PBX1: variants seen among roughly 807,000 people sequenced by gnomAD.
The protein encoded by PBX1 is PBX homeobox 1.
In PBX1, 6 loss-of-function variants were observed where a neutral mutation model predicts 53.4. That is an observed-to-expected ratio of 0.11 (90% CI 0.06 to 0.22). PBX1 has a LOEUF of 0.22. Among genes scored for constraint, PBX1 ranks in the 10% least tolerant of loss-of-function variants. The pLI, the probability that PBX1 is intolerant of heterozygous loss-of-function variation, is 1.00. For synonymous variants in PBX1, 204 were observed against 212.3 expected (o/e 0.96, Z 0.34); for missense variants, 251 against 551.4 (o/e 0.46, Z 5.46).
chr1:164,872,192 C>T (rs967266159), intron 2 of PBX1, among the ~76,000 whole-genome samples: 1 of 152,214 alleles, frequency 6.6e-6, no homozygotes, highest in African/African-American at 2.4e-5. Flanking sequence ...ATAGTAAGCA[C>T]TCTACAAAAT....
intron 2 of PBX1, among the ~76,000 whole-genome samples, chr1:164,735,600 A>C (rs541740444): frequency 2.0e-4 from 31 of 152,314 alleles, no homozygotes; most frequent in Admixed American, 1.0e-3. Flanking sequence ...TTTCAGAACG[A>C]ATGGCTTTAA....
intron 2 of PBX1, among the ~76,000 whole-genome samples, chr1:164,644,007 A>G (rs1456029753): frequency 6.6e-6 from 1 of 152,126 alleles, no homozygotes; most frequent in Non-Finnish European, 1.5e-5. Context: ...TCCCTTCACA[A>G]TTCTTTCTTT....
Position 164,559,419 on chromosome 1 carries a change from C to T in PBX1, c.-404C>T, listed in dbSNP as rs1013273240. 4.6e-5 allele frequency: 11 copies of T among 240,148 alleles called. No individual in the cohort carries two copies. Among genetic ancestry groups the T allele is most frequent in the Non-Finnish European group, 8.9e-5 (11 of 123,236 alleles). 14.9% of individuals were successfully genotyped at this position (240,148 alleles called of 1,614,324 possible). On this transcript the variant is annotated 5_prime_UTR_variant, in exon 1 of 9. Coordinates refer to ENST00000420696, the MANE Select transcript of PBX1 (RefSeq NM_002585.4). ...CTTTCTCCCGATCAATGCATATTTG[C>T]AAAAGGATTAAGCCACAGATTTAAG... is the stretch of plus-strand genomic sequence containing the variant.
intron 2 of PBX1, among the ~76,000 whole-genome samples, chr1:164,732,895 T>C (rs1665075536): frequency 6.6e-6 from 1 of 152,208 alleles, no homozygotes; most frequent in Non-Finnish European, 1.5e-5. Context: ...GACAGAAATC[T>C]ACACTTCCTC....
intron 2 of PBX1, among the ~76,000 whole-genome samples, chr1:164,722,056 G>A (rs1473626644): frequency 2.6e-5 from 4 of 152,104 alleles, no homozygotes; most frequent in African/African-American, 9.7e-5. Context: ...CCCCCTGACC[G>A]ACTCTTTACA....
In PBX1 at chr1:164,846,899, C is replaced by A; in HGVS notation, c.*223C>A. On this transcript the variant is annotated 3_prime_UTR_variant, in exon 9 of 9. Transcript: ENST00000420696. ...TTTTTCTGGGTAGAAGCCACCCTTC[C>A]CTGCCTCCAGCTGTCAGCCTGGTTT... 1 of 1,380,222 alleles carries A rather than the reference C, an allele frequency of 7.2e-7. No homozygotes were observed. The highest frequency in any genetic ancestry group is 9.4e-7 in the Non-Finnish European group (1 of 1,066,102). 85.5% of individuals were successfully genotyped at this position (1,380,222 alleles called of 1,614,324 possible).
chr1:164,801,396 A>T (rs1458641181), intron 4 of PBX1, among the ~76,000 whole-genome samples: 1 of 150,536 alleles, frequency 6.6e-6, no homozygotes, highest in East Asian at 2.0e-4. Flanking sequence ...TTACATCTCC[A>T]TGGTAACTCC....
At chr1:164,695,833 T>G (rs978440783) in intron 2 of PBX1, among the ~76,000 whole-genome samples, 1 of 152,252 alleles carries the variant, frequency 6.6e-6, no homozygotes, top group South Asian at 2.1e-4. Context: ...TTTGAGCAGC[T>G]AGTCCTAGCT....
intron 2 of PBX1, among the ~76,000 whole-genome samples, chr1:164,662,665 C>T (rs1423760647): frequency 6.6e-6 from 1 of 152,120 alleles, no homozygotes; most frequent in Non-Finnish European, 1.5e-5. Context: ...ATCAAGGCCT[C>T]TTGCACAGCC....
chr1:164,590,689 G>GTTTA (rs574013234), intron 2 of PBX1, among the ~76,000 whole-genome samples: 87 of 152,246 alleles, frequency 5.7e-4, no homozygotes, highest in African/African-American at 1.9e-3. Flanking sequence ...GCAATTGGGA[G>GTTTA]TTTAGTCTGT....
At chr1:164,596,845 C>A (rs1655794904) in intron 2 of PBX1, among the ~76,000 whole-genome samples, 1 of 151,264 alleles carries the variant, frequency 6.6e-6, no homozygotes, top group South Asian at 2.1e-4. Context: ...TTTTTTACTT[C>A]TTATGTTGTT....
intron 8 of PBX1, among the ~76,000 whole-genome samples, chr1:164,835,511 T>C (rs1670994109): frequency 6.6e-6 from 1 of 152,204 alleles, no homozygotes; most frequent in African/African-American, 2.4e-5. Flanking sequence ...AATTATCAAA[T>C]CATTAAATGG....
rs71583414 is a variant in PBX1 at position 164,603,929 on chromosome 1, A to ATTTTTTTTTTTTTTTTT, written c.265+40635_265+40651dup. 9.8e-4 allele frequency among the ~76,000 whole-genome samples: 74 copies of ATTTTTTTTTTTTTTTTT among 75,746 alleles called. 18 individuals are homozygous for ATTTTTTTTTTTTTTTTT. Among genetic ancestry groups the ATTTTTTTTTTTTTTTTT allele is most frequent in the East Asian group, 1.9e-3 (3 of 1,582 alleles). 49.7% of individuals were successfully genotyped at this position (75,746 alleles called of 152,430 possible). ...GACACTCTGTACATTATGTCATTTC[A>ATTTTTTTTTTTTTTTTT]TTTTTTTTTTTTTTTTTTTTTTTTT... is the stretch of plus-strand genomic sequence containing the variant. On this transcript the variant is annotated intron_variant, in intron 2 of 8. Coordinates refer to ENST00000420696, the MANE Select transcript of PBX1 (RefSeq NM_002585.4).
chr1:164,885,629 T>G (rs1672759916), intron 2 of PBX1, among the ~76,000 whole-genome samples: 1 of 152,200 alleles, frequency 6.6e-6, no homozygotes, highest in Non-Finnish European at 1.5e-5. Flanking sequence ...CTTCAAGCAA[T>G]GGGCTCTTGG....
chr1:164,651,620 A>G (rs1272267653), intron 2 of PBX1, among the ~76,000 whole-genome samples: 1 of 152,020 alleles, frequency 6.6e-6, no homozygotes, highest in Non-Finnish European at 1.5e-5. Flanking sequence ...GAGAACACAT[A>G]AACAACCCTC....
rs1355782680 is a variant in PBX1, at chr1:164,850,276, G to A, written c.*3600G>A. ...AGTTCAAGAATGCTAGAAAAGTGTC[G>A]AGTTGTGCACATCCATTTCTTGTTT... On this transcript the variant is annotated 3_prime_UTR_variant, in exon 9 of 9. Coordinates refer to ENST00000420696, the MANE Select transcript of PBX1 (RefSeq NM_002585.4). The A allele has an allele frequency of 1.9e-5, 4 of 215,668 alleles. No homozygotes were observed. Among genetic ancestry groups the A allele is most frequent in the African/African-American group, 4.6e-5 (2 of 43,550 alleles). The allele number at this position is 215,668 out of a possible 1,614,324, so 13.4% of individuals were successfully genotyped here.
intron 2 of PBX1, among the ~76,000 whole-genome samples, chr1:164,600,367 T>A (rs1056833773): frequency 2.0e-5 from 3 of 149,568 alleles, no homozygotes; most frequent in Non-Finnish European, 4.4e-5. Flanking sequence ...TTTTCCTGCC[T>A]CAGCCTCCCG....
At chr1:164,739,257 G>A (rs1006119875) in intron 2 of PBX1, among the ~76,000 whole-genome samples, 1 of 152,166 alleles carries the variant, frequency 6.6e-6, no homozygotes, top group African/African-American at 2.4e-5. Flanking sequence ...CTGTTCATTT[G>A]CCTAAAATGG....
intron 2 of PBX1, among the ~76,000 whole-genome samples, chr1:164,576,625 G>C (rs1350930575): frequency 1.3e-5 from 2 of 152,230 alleles, no homozygotes; most frequent in Admixed American, 6.5e-5. Context: ...GTGGTCAGCC[G>C]CAGCGGTCTG....
Sources: allele counts gnomAD v4.1 joint callset (sites outside exome capture counted in the v4.1 genomes callset), GRCh38; gene constraint gnomAD v4.1.1; transcripts MANE v1.5; gene names NCBI Gene and HGNC (gene_info 2026-07-23, HGNC 2026-07-21).